The following SYTL5 variants were observed in gnomAD, a reference collection of about 807,000 sequenced individuals.
SYTL5 encodes synaptotagmin-like protein 5.
In SYTL5, 34 loss-of-function variants were observed where a neutral mutation model predicts 55.9. The ratio of observed to expected loss-of-function variants is 0.61; its 90% CI spans 0.46 to 0.81. The LOEUF (loss-of-function observed/expected upper bound fraction) is 0.81. Ranked by LOEUF, SYTL5 falls within the 30% of genes least tolerant of loss-of-function variation. The probability of loss-of-function intolerance (pLI) is 0.00; values close to 1 mark genes in which losing one functional copy is unlikely to be tolerated. For synonymous variants in SYTL5, 221 were observed against 188.7 expected (o/e 1.17, Z -1.40); for missense variants, 637 against 546.7 (o/e 1.17, Z -1.65).
At chrX:38,037,418 A>G (rs1306563592) in intron 2 of SYTL5, among the ~76,000 whole-genome samples, 1 of 112,226 alleles carries the variant, frequency 8.9e-6, no homozygotes, top group Non-Finnish European at 1.9e-5. Context: ...CTGAGACACT[A>G]TGAAGTTTGT....
At chrX:38,106,520 A>G in intron 10 of SYTL5, 73 bp from the exon 11 acceptor site, 1 of 946,861 alleles carries the variant, frequency 1.1e-6, no homozygotes, top group South Asian at 2.9e-5. Flanking sequence ...CTATAATTGA[A>G]TGAAATGAGT....
In SYTL5 at chrX:38,072,110, C is replaced by T; in HGVS notation, c.393C>T (p.Val131=). The T allele has an allele frequency of 8.3e-7, 1 of 1,210,680 alleles. No individual in the cohort carries two copies. Among genetic ancestry groups the T allele is most frequent in the Non-Finnish European group, 1.1e-6 (1 of 894,791 alleles). ...FEEKAKRFKQ[V]NVLGTDVVRQ... is the part of the protein sequence containing the mutation. ...AAAAGGCAAAACGTTTCAAGCAAGT[C>T]AATGTTCTCGGCACTGATGTTGTCC... is the stretch of plus-strand genomic sequence containing the variant. The change falls in exon 4 of 17, where the codon GTC becomes GTT. Residue 131 remains valine (V), a synonymous_variant. Coordinates refer to ENST00000297875, the MANE Select transcript of SYTL5 (RefSeq NM_138780.3).
At chrX:38,101,137 C>T (rs1192340495) in intron 9 of SYTL5, among the ~76,000 whole-genome samples, 2 of 110,587 alleles carry the variant, frequency 1.8e-5, no homozygotes, top group Non-Finnish European at 3.8e-5. Flanking sequence ...ACAGGCAAAA[C>T]GAAATCATTT....
intron 6 of SYTL5, among the ~76,000 whole-genome samples, chrX:38,083,126 G>A (rs1268035913): frequency 9.0e-6 from 1 of 111,455 alleles, no homozygotes; most frequent in Non-Finnish European, 1.9e-5. Flanking sequence ...TCTTGCCCCC[G>A]ACTTCTAATT....
At chrX:38,060,240 A>T (rs1321876620) in intron 3 of SYTL5, among the ~76,000 whole-genome samples, 1 of 111,800 alleles carries the variant, frequency 8.9e-6, no homozygotes, top group Non-Finnish European at 1.9e-5. Flanking sequence ...AGTCACTCAT[A>T]CCGCTCTCCT....
At position 38,073,632 on chromosome X, in the gene SYTL5, C is replaced by T; in HGVS notation, c.488C>T (p.Ala163Val). 4.2e-6 allele frequency: 5 copies of T among 1,197,808 alleles called. No homozygotes were observed. The highest frequency in any genetic ancestry group is 1.8e-5 in the South Asian group (1 of 54,261). Residue 163 changes from alanine (A) to valine (V), a missense_variant, in exon 5 of 17, where the codon GCA becomes GTA. Transcript: ENST00000297875. ...VQSQEQTRQD[A>V]EKSDTSPVAG... ...AGCCAAGAGCAAACCCGCCAGGATGCAGAAAAGTCAGACACTTCACCTGTT... is the reference window on the plus strand; with the variant it reads ...AGCCAAGAGCAAACCCGCCAGGATGTAGAAAAGTCAGACACTTCACCTGTT...
At chrX:38,094,842 T>C (rs1452862519) in intron 8 of SYTL5, among the ~76,000 whole-genome samples, 1 of 111,990 alleles carries the variant, frequency 8.9e-6, no homozygotes, top group East Asian at 2.8e-4. Context: ...CATTCTGTGG[T>C]TTAAATAAGA....
intron 1 of SYTL5, among the ~76,000 whole-genome samples, chrX:38,029,431 C>T (rs1458653700): frequency 8.9e-6 from 1 of 112,315 alleles, no homozygotes. Flanking sequence ...ACAATGTTAG[C>T]TTTTAGCAAT....
At chrX:37,897,448 A>C in the SYTL5 span, among the ~76,000 whole-genome samples, 19 of 98,091 alleles carry the variant, frequency 1.9e-4, no homozygotes, top group East Asian at 5.8e-3. Context: ...ATGCCACTGC[A>C]CTCCAGCCTG....
chrX:38,035,702 C>T (rs1460416562), intron 2 of SYTL5, among the ~76,000 whole-genome samples: 1 of 108,968 alleles, frequency 9.2e-6, no homozygotes. Flanking sequence ...TGAGACCATC[C>T]TAGCCAACAT....
intron 10 of SYTL5, among the ~76,000 whole-genome samples, chrX:38,104,842 A>G (rs1013530624): frequency 1.8e-5 from 2 of 111,846 alleles, no homozygotes; most frequent in African/African-American, 6.5e-5. Flanking sequence ...TAATTTTATT[A>G]CATTTACAGT....
At chrX:38,110,613 T>G in intron 13 of SYTL5, 131 bp downstream of exon 13, 1 of 461,400 alleles carries the variant, frequency 2.2e-6, no homozygotes, top group South Asian at 7.5e-5. Flanking sequence ...GTGCAGCAAA[T>G]TTTGGAATAA....
chrX:38,065,874 C>T (rs1057406354), intron 3 of SYTL5, among the ~76,000 whole-genome samples: 3 of 111,248 alleles, frequency 2.7e-5, no homozygotes, highest in African/African-American at 9.8e-5. Context: ...CAGAGGTGGG[C>T]GGATCACTTG....
intron 6 of SYTL5, 126 bp from the exon 7 acceptor site, chrX:38,089,320 T>A (rs1936737971): frequency 1.3e-6 from 1 of 746,201 alleles, no homozygotes. Context: ...GCAGTTCCAG[T>A]GTGACTCTTG....
the SYTL5 span, among the ~76,000 whole-genome samples, chrX:37,963,153 T>C: frequency 8.9e-6 from 1 of 112,089 alleles, no homozygotes; most frequent in African/African-American, 3.2e-5. Flanking sequence ...AACTTAAGTT[T>C]ATTTCTAAGT....
chrX:38,005,071 A>G (rs958408068), upstream of SYTL5, among the ~76,000 whole-genome samples: 2 of 111,217 alleles, frequency 1.8e-5, no homozygotes, highest in African/African-American at 6.5e-5. Flanking sequence ...TTCCATAAAA[A>G]TTACAAATAA....
At chrX:38,106,211 T>A (rs747927155) in intron 10 of SYTL5, among the ~76,000 whole-genome samples, 21 of 112,339 alleles carry the variant, frequency 1.9e-4, no homozygotes, top group Admixed American at 1.0e-3. Flanking sequence ...CTACACCTTA[T>A]AGTAGATTGA....
In SYTL5 at chrX:38,120,443, T is replaced by G; in HGVS notation, c.1682T>G (p.Met561Arg). Residue 561 changes from methionine to arginine, a missense_variant, in exon 14 of 17, where the codon ATG becomes AGG. Met to Arg is a moderately conservative substitution (Grantham distance 91, BLOSUM62 -1). Coordinates refer to ENST00000297875, the MANE Select transcript of SYTL5 (RefSeq NM_138780.3). ...LRYIPPEENL[M>R]LPPEQLQGNK... ...TACATTCCCCCAGAAGAGAACCTGA[T>G]GCTTCCACCAGAACAACTCCAAGGT... 1.7e-6 allele frequency: 2 copies of G among 1,205,975 alleles called. No individual in the cohort carries two copies. Among genetic ancestry groups the G allele is most frequent in the South Asian group, 3.5e-5 (2 of 56,843 alleles).
At position 38,128,692 on chromosome X, in the gene SYTL5, A is replaced by G. The variant is rs1937728848; in HGVS notation, c.*1962A>G. Reference sequence around the variant, plus strand: ...GGTTATTAGTCTAGTGTCGCTTAGCAAGGTACTTAAAAGAAAATCTGCACA... The same window carrying G: ...GGTTATTAGTCTAGTGTCGCTTAGCGAGGTACTTAAAAGAAAATCTGCACA... On this transcript the variant is annotated 3_prime_UTR_variant, in exon 17 of 17. Coordinates refer to ENST00000297875, the MANE Select transcript of SYTL5 (RefSeq NM_138780.3). 1 of 111,878 alleles carries G rather than the reference A, an allele frequency of 8.9e-6. No individual in the cohort carries two copies. Among genetic ancestry groups the G allele is most frequent in the African/African-American group, 3.2e-5 (1 of 30,842 alleles). 9.2% of individuals were successfully genotyped at this position (111,878 alleles called of 1,213,427 possible).
Sources: allele counts gnomAD v4.1 joint callset (sites outside exome capture counted in the v4.1 genomes callset), GRCh38; gene constraint gnomAD v4.1.1; transcripts MANE v1.5; gene names NCBI Gene and HGNC (gene_info 2026-07-23, HGNC 2026-07-21).